Variants in DLGAP1 observed in about 807,000 individuals in gnomAD.
The protein encoded by DLGAP1 is DLG associated protein 1.
In DLGAP1, 11 loss-of-function variants were observed where a neutral mutation model predicts 90.8. That is an observed-to-expected ratio of 0.12 (90% CI 0.08 to 0.20). The LOEUF is 0.20. DLGAP1 is among the 10% of genes least tolerant of loss of function. The pLI is 1.00. For missense variants in DLGAP1, 1,050 were observed against 1,333.8 expected (o/e 0.79, Z 3.31); for synonymous variants, 558 against 540.7 (o/e 1.03, Z -0.44).
At chr18:3,528,214 G>GT (rs2051772933) in intron 10 of DLGAP1, among the ~76,000 whole-genome samples, 1 of 152,118 alleles carries the variant, frequency 6.6e-6, no homozygotes, top group African/African-American at 2.4e-5. Flanking sequence ...AGGGATAGAG[G>GT]TATCTGTACT....
chr18:3,793,714 C>T (rs2065853958), intron 5 of DLGAP1, among the ~76,000 whole-genome samples: 1 of 152,140 alleles, frequency 6.6e-6, no homozygotes, highest in South Asian at 2.1e-4. Flanking sequence ...TGGCCTCCTG[C>T]ACACCAGGCA....
At chr18:4,197,946 G>C (rs1366544588) in intron 1 of DLGAP1, among the ~76,000 whole-genome samples, 2 of 152,196 alleles carry the variant, frequency 1.3e-5, no homozygotes, top group African/African-American at 4.8e-5. Flanking sequence ...TTGTGGCCAG[G>C]CGCGGTGGCT....
At chr18:3,808,009 A>G (rs939309989) in intron 5 of DLGAP1, among the ~76,000 whole-genome samples, 1 of 152,200 alleles carries the variant, frequency 6.6e-6, no homozygotes. Flanking sequence ...ACACATGCCC[A>G]CATCATTTGG....
intron 1 of DLGAP1, among the ~76,000 whole-genome samples, chr18:4,256,444 C>T (rs565690225): frequency 2.6e-5 from 4 of 152,154 alleles, no homozygotes; most frequent in Non-Finnish European, 2.9e-5. Flanking sequence ...ATCATACCTC[C>T]GTATATAAGT....
chr18:4,238,373 G>A (rs2145109438), intron 1 of DLGAP1, among the ~76,000 whole-genome samples: 1 of 152,234 alleles, frequency 6.6e-6, no homozygotes, highest in African/African-American at 2.4e-5. Context: ...GATATCTGAA[G>A]TTACTTAGAT....
At chr18:4,266,539 A>C (rs1225404604) in intron 1 of DLGAP1, among the ~76,000 whole-genome samples, 2 of 152,182 alleles carry the variant, frequency 1.3e-5, no homozygotes, top group African/African-American at 2.4e-5. Context: ...TTGTCTGTTC[A>C]CTTTTTTCTT....
rs35566291 is a variant in DLGAP1 at position 4,276,170 on chromosome 18, AT to A, written c.-266-124884del. ...TTGGCGGGGGGTGGGAGGGGGCTTGATTTTTTTTTTTTTTTTAATGCAGGGC... is the reference window on the plus strand; with the variant it reads ...TTGGCGGGGGGTGGGAGGGGGCTTGATTTTTTTTTTTTTTTAATGCAGGGC... On this transcript the variant is annotated intron_variant, in intron 1 of 12. Transcript: ENST00000315677. Among the ~76,000 whole-genome samples the A allele has an allele frequency of 8.8e-3, 1,100 of 125,300 alleles. 2 individuals carry two copies. The highest frequency in any genetic ancestry group is 0.024 in the East Asian group (104 of 4,314). The allele number at this position is 125,300 out of a possible 152,430, so 82.2% of individuals were successfully genotyped here.
At chr18:4,353,240 T>G (rs1350893499) in intron 1 of DLGAP1, among the ~76,000 whole-genome samples, 1 of 152,176 alleles carries the variant, frequency 6.6e-6, no homozygotes, top group Non-Finnish European at 1.5e-5. Context: ...TGTTCTTCCT[T>G]TCTCTCTAGG....
rs558020429 is a variant in DLGAP1, at chr18:4,342,066, C to T, written c.-267+112940G>A. 2.2e-4 allele frequency among the ~76,000 whole-genome samples: 33 copies of T among 152,002 alleles called. No individual in the cohort carries two copies. The East Asian group carries it at 3.5e-3, about 16-fold the overall frequency. Reference sequence around the variant, plus strand: ...AGAATTTCTGAGCGGATAAAGTCCTCGGCATGCGGTGAACACTAAATAAAT... The same window carrying T: ...AGAATTTCTGAGCGGATAAAGTCCTTGGCATGCGGTGAACACTAAATAAAT... On this transcript the variant is annotated intron_variant, in intron 1 of 12. Coordinates refer to ENST00000315677, the MANE Select transcript of DLGAP1 (RefSeq NM_004746.4). The surrounding 1 kb of genome is among the most constrained non-coding windows in gnomAD (Gnocchi z 5.8).
At chr18:3,676,197 C>G (rs2060292622) in intron 7 of DLGAP1, among the ~76,000 whole-genome samples, 1 of 152,152 alleles carries the variant, frequency 6.6e-6, no homozygotes, top group African/African-American at 2.4e-5. Context: ...GACAAGATGG[C>G]GCAGCCCAAG....
At chr18:3,722,255 G>A (rs2062009210) in intron 7 of DLGAP1, 1 of 152,190 alleles carries the variant, frequency 6.6e-6, no homozygotes, top group Non-Finnish European at 1.5e-5. Flanking sequence ...GGTGATTTAT[G>A]TACTTCAAAA....
rs544861172 is a variant in DLGAP1 at position 3,580,884 on chromosome 18, C to T, written c.1965+991G>A. Reference sequence around the variant, plus strand: ...TGTGGCCGGTTGTACCCTGCAGTAGCGTCTGCCCTGAGCTGCCAGTGCTGG... The same window carrying T: ...TGTGGCCGGTTGTACCCTGCAGTAGTGTCTGCCCTGAGCTGCCAGTGCTGG... On this transcript the variant is annotated intron_variant, in intron 8 of 12. Coordinates refer to ENST00000315677, the MANE Select transcript of DLGAP1 (RefSeq NM_004746.4). 41 of 950,356 alleles carry T rather than the reference C, an allele frequency of 4.3e-5. No homozygotes were observed. The South Asian group carries it at 5.4e-4, about 13-fold the overall frequency. 58.9% of individuals were successfully genotyped at this position (950,356 alleles called of 1,614,324 possible). A position where few individuals can be genotyped will look rare whatever the true frequency, so the allele number is the denominator to read the frequency against.
chr18:3,580,113 C>A, intron 8 of DLGAP1: 1 of 979,830 alleles, frequency 1.0e-6, no homozygotes, highest in South Asian at 1.3e-5. Context: ...GTCACACATT[C>A]AATTTAGAGA....
At chr18:4,284,368 C>T (rs2079630681) in intron 1 of DLGAP1, among the ~76,000 whole-genome samples, 1 of 151,882 alleles carries the variant, frequency 6.6e-6, no homozygotes, top group South Asian at 2.1e-4. Flanking sequence ...AAACAAAATA[C>T]AATAGAGGGA....
chr18:3,876,716 A>T (rs549875152), intron 4 of DLGAP1, among the ~76,000 whole-genome samples: 5 of 151,992 alleles, frequency 3.3e-5, no homozygotes, highest in South Asian at 2.1e-4. Flanking sequence ...TGGGTGTTTT[A>T]TTTTTTTTCT....
intron 7 of DLGAP1, chr18:3,606,745 T>G (rs1322960458): frequency 6.6e-6 from 1 of 152,226 alleles, no homozygotes; most frequent in Non-Finnish European, 1.5e-5. Context: ...TCCTATATTT[T>G]GAAAAAGCAC....
At chr18:4,150,695 A>C (rs562250358) in intron 2 of DLGAP1, among the ~76,000 whole-genome samples, 1 of 152,342 alleles carries the variant, frequency 6.6e-6, no homozygotes, top group South Asian at 2.1e-4. Context: ...CGGTCTCCCA[A>C]AGTGCTGGAA....
intron 2 of DLGAP1, among the ~76,000 whole-genome samples, chr18:4,143,941 T>G (rs2076537430): frequency 6.6e-6 from 1 of 152,188 alleles, no homozygotes. Context: ...GGACTCTATC[T>G]GGTGTCCTAG....
intron 7 of DLGAP1, among the ~76,000 whole-genome samples, chr18:3,644,192 G>A (rs2059038123): frequency 6.6e-6 from 1 of 152,138 alleles, no homozygotes; most frequent in African/African-American, 2.4e-5. Flanking sequence ...GAGACTGTGT[G>A]GAGCAGGAAT....
Sources: gnomAD v4.1 joint callset for allele counts (sites outside exome capture counted in the v4.1 genomes callset) on GRCh38, gnomAD v4.1.1 for gene constraint, Gnocchi (gnomAD v3.1) non-coding constraint, MANE v1.5 for transcripts, NCBI Gene and HGNC (gene_info 2026-07-23, HGNC 2026-07-21) for gene names.